The following PCDHA5 variants were observed in gnomAD, a reference collection of about 807,000 sequenced individuals.
The protein encoded by PCDHA5 is protocadherin alpha 5.
Under a neutral mutation model 61.6 loss-of-function variants are expected in PCDHA5, and 43 were observed. The observed-to-expected ratio is 0.70, with a 90% CI of 0.55 to 0.90. The LOEUF (loss-of-function observed/expected upper bound fraction) is 0.90, where lower values mean the gene tolerates loss of function less well. PCDHA5 is among the 40% of genes least tolerant of loss of function. The probability of loss-of-function intolerance (pLI) is 0.00; values close to 1 mark genes in which losing one functional copy is unlikely to be tolerated. For synonymous variants in PCDHA5, 627 were observed against 543.9 expected (o/e 1.15, Z -2.13); for missense variants, 1,298 against 1,222.7 (o/e 1.06, Z -0.92).
At chr5:140,911,744 C>T (rs758009837) in intron 1 of PCDHA5, among the ~76,000 whole-genome samples, 2 of 151,280 alleles carry the variant, frequency 1.3e-5, no homozygotes, top group Non-Finnish European at 2.9e-5. Flanking sequence ...CAAGGACTAT[C>T]AGTGTTCTCC....
chr5:140,948,496 A>C (rs1258443825), intron 1 of PCDHA5, among the ~76,000 whole-genome samples: 1 of 151,522 alleles, frequency 6.6e-6, no homozygotes, highest in African/African-American at 2.4e-5. Context: ...TCTTTCATAG[A>C]CTTTCTATTA....
intron 1 of PCDHA5, among the ~76,000 whole-genome samples, chr5:140,846,545 T>G (rs1374856613): frequency 6.7e-6 from 1 of 148,364 alleles, no homozygotes; most frequent in Non-Finnish European, 1.5e-5. Context: ...CTGCTAATTT[T>G]TTGTATTTTT....
intron 1 of PCDHA5, among the ~76,000 whole-genome samples, chr5:140,911,460 G>A (rs1346001317): frequency 1.3e-5 from 2 of 152,140 alleles, no homozygotes; most frequent in African/African-American, 4.8e-5. Context: ...TTTCTCTACA[G>A]GAGATAAGAC....
intron 1 of PCDHA5, chr5:140,841,202 A>AT: frequency 7.6e-7 from 1 of 1,311,932 alleles, no homozygotes; most frequent in East Asian, 2.4e-5. Context: ...CTCTGACAGC[A>AT]TCTGTCTCTA....
chr5:140,978,907 G>T (rs782602741), intron 1 of PCDHA5, 42 bp from the exon 2 acceptor site: 3 of 1,613,648 alleles, frequency 1.9e-6, no homozygotes, highest in East Asian at 2.2e-5. Flanking sequence ...GGAGAACATT[G>T]TCTTGTCATT....
chr5:140,854,310 T>C (rs2043072998), intron 1 of PCDHA5: 2 of 329,758 alleles, frequency 6.1e-6, no homozygotes, highest in Non-Finnish European at 8.7e-6. Context: ...GTGGAGATGA[T>C]TGATCAATGG....
At chr5:140,966,447 C>G (rs373859357) in intron 1 of PCDHA5, 3 of 425,206 alleles carry the variant, frequency 7.1e-6, no homozygotes, top group Non-Finnish European at 8.2e-6. Flanking sequence ...CTCCCTTTCC[C>G]CCTCCCCCTC....
intron 1 of PCDHA5, among the ~76,000 whole-genome samples, chr5:140,839,484 G>A (rs1263127603): frequency 1.3e-5 from 2 of 151,800 alleles, no homozygotes; most frequent in African/African-American, 4.8e-5. Context: ...CTGCCTCCTG[G>A]GCTCAAGTGA....
intron 1 of PCDHA5, among the ~76,000 whole-genome samples, chr5:140,961,887 G>GT (rs35680913): frequency 0.069 from 9,857 of 143,718 alleles, 798 homozygotes; most frequent in African/African-American, 0.2. Flanking sequence ...ACTTACATCA[G>GT]TTTTTTTTTT....
intron 3 of PCDHA5, among the ~76,000 whole-genome samples, chr5:140,994,308 C>T (rs1402344988): frequency 6.6e-6 from 1 of 152,086 alleles, no homozygotes; most frequent in African/African-American, 2.4e-5. Flanking sequence ...TTTCACAGGG[C>T]CCAAACACTC....
chr5:140,835,695 A>C (rs2150242144), intron 1 of PCDHA5: 1 of 1,613,830 alleles, frequency 6.2e-7, no homozygotes. Flanking sequence ...TCTGTGGGCC[A>C]CTGCTAGCGT....
At chr5:140,877,082 C>A in intron 1 of PCDHA5, 1 of 1,613,120 alleles carries the variant, frequency 6.2e-7, no homozygotes, top group African/African-American at 1.3e-5. Flanking sequence ...CAGGTGAGCG[C>A]GCGCGACGCC....
At chr5:141,009,345 G>C (rs1409011729) in intron 3 of PCDHA5, among the ~76,000 whole-genome samples, 1 of 152,164 alleles carries the variant, frequency 6.6e-6, no homozygotes, top group African/African-American at 2.4e-5. Context: ...TGTAGTTCCA[G>C]CTACTTGGGA....
chr5:140,866,152 G>A (rs955753225), intron 1 of PCDHA5: 31 of 152,098 alleles, frequency 2.0e-4, no homozygotes, highest in African/African-American at 7.5e-4. Flanking sequence ...AGTGATATAA[G>A]TAAGAATCGT....
rs1299546647 is a variant in PCDHA5 at position 140,935,314 on chromosome 5, A to T, written c.2353-43635A>T. 2.0e-5 allele frequency among the ~76,000 whole-genome samples: 3 copies of T among 152,208 alleles called. No homozygotes were observed. In the East Asian group the frequency reaches 5.8e-4, roughly 29 times the overall value. ...TCCGAGGTTTTTACTTAACTTCATC[A>T]ATCTTACATTCCTATTTCTCCCATA... On this transcript the variant is annotated intron_variant, in intron 1 of 3. Transcript: ENST00000529859.
intron 1 of PCDHA5, chr5:140,875,557 G>C: frequency 5.6e-6 from 9 of 1,614,064 alleles, no homozygotes; most frequent in Non-Finnish European, 7.6e-6. Flanking sequence ...GGTGGGGAGC[G>C]GCCAGCTCCA....
intron 1 of PCDHA5, chr5:140,863,686 T>G (rs1386583317): frequency 3.4e-6 from 1 of 295,212 alleles, no homozygotes; most frequent in Non-Finnish European, 6.6e-6. Flanking sequence ...CTTTTTCTTT[T>G]GAGATGCTTT....
intron 3 of PCDHA5, among the ~76,000 whole-genome samples, chr5:140,987,130 C>G (rs1220504537): frequency 6.6e-6 from 1 of 151,648 alleles, no homozygotes; most frequent in East Asian, 1.9e-4. Context: ...AGGAGAATTG[C>G]TTGAACTCGG....
intron 1 of PCDHA5, chr5:140,841,104 A>C (rs1554138000): frequency 1.7e-6 from 1 of 585,830 alleles, no homozygotes; most frequent in African/African-American, 1.9e-5. Flanking sequence ...GATATTGCGG[A>C]AGTAATTCAT....
Sources: gnomAD v4.1 joint callset for allele counts (sites outside exome capture counted in the v4.1 genomes callset) on GRCh38, gnomAD v4.1.1 for gene constraint, MANE v1.5 for transcripts, NCBI Gene and HGNC (gene_info 2026-07-23, HGNC 2026-07-21) for gene names.